The following AASS variants were observed in gnomAD, a reference collection of about 807,000 sequenced individuals.
AASS encodes aminoadipate-semialdehyde synthase.
AASS carries 86 observed loss-of-function variants against 105.4 expected under a neutral mutation model. That is an observed-to-expected ratio of 0.82 (90% CI 0.69 to 0.98). The LOEUF is 0.98. AASS is among the 50% of genes least tolerant of loss of function. AASS has a pLI of 0.00. For synonymous variants in AASS, 381 were observed against 394.8 expected, an observed-to-expected ratio of 0.96 and a Z score of 0.41; for missense variants, 1,048 against 1,143.2, an observed-to-expected ratio of 0.92 and a Z score of 1.20.
Position 122,091,820 on chromosome 7 carries a change from A to G in AASS, c.1899T>C (p.Cys633=). 1 of 1,611,276 alleles carries G rather than the reference A, an allele frequency of 6.2e-7. No homozygotes were observed. Among genetic ancestry groups the G allele is most frequent in the Non-Finnish European group, 8.5e-7 (1 of 1,177,768 alleles). The change falls in exon 18 of 24, where the codon TGT becomes TGC. Residue 633 remains cysteine, a synonymous_variant. Coordinates refer to ENST00000417368, the MANE Select transcript of AASS (RefSeq NM_005763.4). ...GATIESYISY[C]GGLPAPEHSN... ...AATGTTCAGGGGCTGGAAGCCCACC[A>G]CAGTAGGAAATATATGATTCAATCT...
chr7:122,097,398 G>C (rs748528364), intron 15 of AASS, among the ~76,000 whole-genome samples: 1 of 151,834 alleles, frequency 6.6e-6, no homozygotes. Flanking sequence ...AGGTTCAGGG[G>C]TACATGTGCA....
intron 11 of AASS, among the ~76,000 whole-genome samples, chr7:122,104,839 T>C (rs961569757): frequency 6.6e-6 from 1 of 151,974 alleles, no homozygotes. Context: ...TGCTCACTAC[T>C]TTAGTGACGA....
intron 11 of AASS, among the ~76,000 whole-genome samples, chr7:122,110,627 A>G (rs1177564101): frequency 2.0e-5 from 3 of 152,026 alleles, no homozygotes; most frequent in African/African-American, 7.2e-5. Flanking sequence ...CTTGTTTTCA[A>G]GCCAACATAA....
rs572785761 is a variant in AASS, at chr7:122,124,256, C to T, written c.472+2119G>A. Among the ~76,000 whole-genome samples the T allele has an allele frequency of 1.7e-4, 26 of 152,056 alleles. No individual in the cohort carries two copies. The East Asian group carries it at 4.1e-3, about 24-fold the overall frequency. On this transcript the variant is annotated intron_variant, in intron 4 of 23. Transcript: ENST00000417368. ...CTTTTGCAACAGCCAAGTTCAAATA[C>T]CTTTTGTTTTGTTTGTTTTTTGTGT...
intron 2 of AASS, 122 bp downstream of exon 2, chr7:122,133,395 C>T: frequency 8.9e-7 from 1 of 1,129,356 alleles, no homozygotes; most frequent in South Asian, 1.3e-5. Flanking sequence ...GAAAATAATA[C>T]TTTTAATCAA....
rs950285818 is a variant in AASS at position 122,075,306 on chromosome 7, A to T, written c.*1183T>A. On this transcript the variant is annotated 3_prime_UTR_variant, in exon 24 of 24. Transcript: ENST00000417368. Reference sequence around the variant, plus strand: ...TGCTGAATTTATTTATTAATAAATCATGCCTTTGGATTTTCTATAGTTTTC... The same window carrying T: ...TGCTGAATTTATTTATTAATAAATCTTGCCTTTGGATTTTCTATAGTTTTC... 2.0e-5 allele frequency among the ~76,000 whole-genome samples: 3 copies of T among 152,260 alleles called. No individual in the cohort carries two copies. The highest frequency in any genetic ancestry group is 2.9e-5 in the Non-Finnish European group (2 of 68,048).
chr7:122,137,714 G>C (rs1562997337), intron 1 of AASS, among the ~76,000 whole-genome samples: 1 of 152,186 alleles, frequency 6.6e-6, no homozygotes, highest in Admixed American at 6.5e-5. Flanking sequence ...TTGCACTGCA[G>C]GTGTCTAGTA....
At chr7:122,114,875 C>T (rs1306742836) in intron 9 of AASS, among the ~76,000 whole-genome samples, 199 bp downstream of exon 9, 1 of 151,540 alleles carries the variant, frequency 6.6e-6, no homozygotes, top group African/African-American at 2.4e-5. Flanking sequence ...GACCCCATCT[C>T]TAAAGATAAA....
intron 13 of AASS, among the ~76,000 whole-genome samples, chr7:122,100,963 A>G (rs1794396955): frequency 6.6e-6 from 1 of 151,876 alleles, no homozygotes; most frequent in Admixed American, 6.6e-5. Flanking sequence ...TATACTAAAC[A>G]AAAGAGAGTC....
chr7:122,123,296 T>G (rs1795516209), intron 4 of AASS, among the ~76,000 whole-genome samples: 1 of 152,220 alleles, frequency 6.6e-6, no homozygotes, highest in African/African-American at 2.4e-5. Flanking sequence ...CACCAAGCTT[T>G]GTGTCACATT....
chr7:122,135,862 T>TTTTATATACAGTTTCA (rs1554400870), intron 1 of AASS, among the ~76,000 whole-genome samples: 2 of 151,512 alleles, frequency 1.3e-5, no homozygotes, highest in African/African-American at 4.9e-5. Context: ...TGCTCCTAAT[T>TTTTATATACAGTTTCA]TTTATATACA....
chr7:122,085,994 T>C lies in AASS; in HGVS notation c.2184+18A>G, dbSNP rs1793605867. On this transcript the variant is annotated intron_variant, in intron 19 of 23. Coordinates refer to ENST00000417368, the MANE Select transcript of AASS (RefSeq NM_005763.4). ...ATCACAACTGGCAACATGTTGAATC[T>C]AAAGTCCAGCTGCTTACCTTATATC... 1.9e-6 allele frequency: 3 copies of C among 1,613,262 alleles called. No individual in the cohort carries two copies. Among genetic ancestry groups the C allele is most frequent in the Non-Finnish European group, 2.5e-6 (3 of 1,179,558 alleles).
chr7:122,077,431 A>C (rs889532961), intron 23 of AASS, among the ~76,000 whole-genome samples: 1 of 152,208 alleles, frequency 6.6e-6, no homozygotes, highest in African/African-American at 2.4e-5. Flanking sequence ...CCAACATGGC[A>C]AAAACCAAAG....
At chr7:122,114,597 C>T (rs1795081377) in intron 9 of AASS, among the ~76,000 whole-genome samples, 1 of 152,104 alleles carries the variant, frequency 6.6e-6, no homozygotes, top group Admixed American at 6.5e-5. Flanking sequence ...AAATCATAAA[C>T]ACGAGAAAAT....
At chr7:122,139,580 C>A (rs979245627) in intron 1 of AASS, among the ~76,000 whole-genome samples, 2 of 152,110 alleles carry the variant, frequency 1.3e-5, no homozygotes, top group African/African-American at 4.8e-5. Flanking sequence ...CACAGTAAGT[C>A]TGTTCTCGTT....
In AASS at chr7:122,087,319, G is replaced by T. The variant is rs1257942487; in HGVS notation, c.2017-1140C>A. Among the ~76,000 whole-genome samples the T allele has an allele frequency of 2.6e-5, 4 of 152,138 alleles. No individual in the cohort carries two copies. In the South Asian group the frequency reaches 8.3e-4, roughly 31 times the overall value. On this transcript the variant is annotated intron_variant, in intron 18 of 23. Transcript: ENST00000417368. The stretch of plus-strand genomic sequence containing the variant: ...GAAGCCCCAGAAAGAAAAGGGCTAT[G>T]CTGACTGCAATGTTAGGACCACTGG...
In AASS at chr7:122,074,270, TATC is replaced by T. The variant is rs1392085477; in HGVS notation, c.*2216_*2218del. Among the ~76,000 whole-genome samples, 2 of 152,226 alleles carry T rather than the reference TATC, an allele frequency of 1.3e-5. No individual in the cohort carries two copies. Among genetic ancestry groups the T allele is most frequent in the Non-Finnish European group, 2.9e-5 (2 of 68,040 alleles). ...TTCATGTGCTTATTGGCCTTTTGTG[TATC>T]TTCTTTGGAGAACTGTTAATTCAGA... On this transcript the variant is annotated 3_prime_UTR_variant, in exon 24 of 24. Transcript: ENST00000417368.
At chr7:122,138,844 G>C (rs986547695) in intron 1 of AASS, among the ~76,000 whole-genome samples, 1 of 151,998 alleles carries the variant, frequency 6.6e-6, no homozygotes, top group African/African-American at 2.4e-5. Flanking sequence ...GAAAAAAAAG[G>C]ACACAGAGAC....
chr7:122,106,377 C>T (rs1017096354), intron 11 of AASS, among the ~76,000 whole-genome samples: 8 of 151,980 alleles, frequency 5.3e-5, no homozygotes, highest in African/African-American at 1.9e-4. Context: ...TTACCCATGA[C>T]ATTCTTCATA....
Sources: gnomAD v4.1 joint callset for allele counts (sites outside exome capture counted in the v4.1 genomes callset) on GRCh38, gnomAD v4.1.1 for gene constraint, MANE v1.5 for transcripts, NCBI Gene and HGNC (gene_info 2026-07-23, HGNC 2026-07-21) for gene names.